Variants in SLC4A8 observed in about 807,000 individuals in gnomAD.
The protein encoded by SLC4A8 is electroneutral sodium bicarbonate exchanger 1.
A neutral mutation model predicts 125.0 loss-of-function variants in SLC4A8; 40 were observed. The observed-to-expected ratio is 0.32, with a 90% confidence interval of 0.25 to 0.42. The LOEUF (loss-of-function observed/expected upper bound fraction) is 0.42, where lower values mean the gene tolerates loss of function less well. Among genes scored for constraint, SLC4A8 ranks in the 10% least tolerant of loss-of-function variants. The pLI is 1.00. For synonymous variants in SLC4A8, 456 were observed against 476.0 expected (o/e 0.96, Z 0.55); for missense variants, 863 against 1,355.1 (o/e 0.64, Z 5.70).
At position 51,515,378 on chromosome 12, in the gene SLC4A8, A is replaced by G. The variant is rs1279541974; in HGVS notation, c.*7940A>G. 6.6e-6 allele frequency: 1 copy of G among 152,202 alleles called. No homozygotes were observed. Among genetic ancestry groups the G allele is most frequent in the Non-Finnish European group, 1.5e-5 (1 of 68,056 alleles). 9.4% of individuals were successfully genotyped at this position (152,202 alleles called of 1,614,324 possible). On this transcript the variant is annotated 3_prime_UTR_variant, in exon 25 of 25. Transcript: ENST00000453097. ...TCCAAGCTAATGGTGTCAGGTGGAG[A>G]ACAGAGCAACCTTCCCTCGGAAGGA...
chr12:51,492,556 C>A (rs567611809), intron 19 of SLC4A8, among the ~76,000 whole-genome samples: 1 of 152,338 alleles, frequency 6.6e-6, no homozygotes, highest in South Asian at 2.1e-4. Context: ...TTTCCCCTAG[C>A]TGCTTCAGGA....
chr12:51,470,347 G>A (rs748279999), intron 12 of SLC4A8, 45 bp from the exon 13 acceptor site: 12 of 1,599,852 alleles, frequency 7.5e-6, no homozygotes, highest in Non-Finnish European at 1.0e-5. Flanking sequence ...ACATTACTCT[G>A]TACTGATGGG....
intron 17 of SLC4A8, 104 bp from the exon 18 acceptor site, chr12:51,488,595 T>A: frequency 2.5e-5 from 18 of 728,686 alleles, no homozygotes; most frequent in Non-Finnish European, 3.1e-5. Flanking sequence ...TTTAAGAACC[T>A]CACTCAAGAA....
chr12:51,443,962 G>A (rs1002357229), intron 2 of SLC4A8, among the ~76,000 whole-genome samples: 1 of 152,134 alleles, frequency 6.6e-6, no homozygotes, highest in African/African-American at 2.4e-5. Context: ...ATGTGTATAT[G>A]TACTTATTTT....
At chr12:51,451,439 A>C (rs1388850880) in intron 3 of SLC4A8, among the ~76,000 whole-genome samples, 1 of 152,150 alleles carries the variant, frequency 6.6e-6, no homozygotes, top group Admixed American at 6.5e-5. Context: ...TATACAATTA[A>C]ATTGTTATTT....
chr12:51,412,273 G>A (rs982615963), intron 1 of SLC4A8, among the ~76,000 whole-genome samples: 32 of 152,034 alleles, frequency 2.1e-4, no homozygotes, highest in African/African-American at 6.8e-4. Flanking sequence ...TTACTTGGAT[G>A]TATATCTTTA....
chr12:51,448,645 C>T (rs1337480964), intron 2 of SLC4A8, among the ~76,000 whole-genome samples: 1 of 152,138 alleles, frequency 6.6e-6, no homozygotes, highest in South Asian at 2.1e-4. Flanking sequence ...GGCACCGGAG[C>T]TCAGGGAGCC....
At chr12:51,403,350 G>A (rs1948429073) in intron 1 of SLC4A8, 1 of 424,158 alleles carries the variant, frequency 2.4e-6, no homozygotes, top group South Asian at 1.6e-5. Flanking sequence ...CATTTCCAGA[G>A]TTTGGGCAGG....
chr12:51,407,902 G>A (rs1467255062), intron 1 of SLC4A8: 1 of 152,448 alleles, frequency 6.6e-6, no homozygotes, highest in East Asian at 1.9e-4. Context: ...TGTGAGGTCT[G>A]TATGGTAATC....
At chr12:51,436,380 A>G (rs1190455534) in intron 1 of SLC4A8, among the ~76,000 whole-genome samples, 2 of 152,120 alleles carry the variant, frequency 1.3e-5, no homozygotes, top group East Asian at 3.8e-4. Flanking sequence ...TACTTAGAAT[A>G]ATTTCTCTTG....
At chr12:51,494,428 T>C (rs76192060) in intron 20 of SLC4A8, 2 of 136,190 alleles carry the variant, frequency 1.5e-5, no homozygotes, top group African/African-American at 5.4e-5. Context: ...TTTTTTTTTT[T>C]CCTATGGCCA....
intron 2 of SLC4A8, among the ~76,000 whole-genome samples, chr12:51,447,250 T>A (rs1778200733): frequency 7.0e-6 from 1 of 143,780 alleles, no homozygotes; most frequent in South Asian, 2.2e-4. Flanking sequence ...ACCTGTCTAA[T>A]TTTTTTTTTT....
At chr12:51,480,488 G>A in intron 16 of SLC4A8, 3 of 1,037,382 alleles carry the variant, frequency 2.9e-6, no homozygotes, top group South Asian at 3.1e-5. Context: ...AGACATGGTG[G>A]TATAATTGTG....
rs188595016 is a variant in SLC4A8 at position 51,490,549 on chromosome 12, C to G, written c.2700+598C>G. Among the ~76,000 whole-genome samples, 500 of 123,306 alleles carry G rather than the reference C, an allele frequency of 4.1e-3. 4 individuals carry two copies. The highest frequency in any genetic ancestry group is 0.015 in the African/African-American group (454 of 31,176). 80.9% of individuals were successfully genotyped at this position (123,306 alleles called of 152,430 possible). On this transcript the variant is annotated intron_variant, in intron 19 of 24. Coordinates refer to ENST00000453097, the MANE Select transcript of SLC4A8 (RefSeq NM_001039960.3). ...CTGCACTCCAGCCAGGGCAACAGAG[C>G]GAGACTCCATCTCAAAAAAAAAAAA... is the stretch of plus-strand genomic sequence containing the variant.
chr12:51,457,768 T>C (rs1950200131), intron 6 of SLC4A8, among the ~76,000 whole-genome samples: 2 of 152,176 alleles, frequency 1.3e-5, no homozygotes, highest in Non-Finnish European at 2.9e-5. Flanking sequence ...GAGGGACTTA[T>C]GCCCCAGGGT....
intron 7 of SLC4A8, among the ~76,000 whole-genome samples, chr12:51,458,952 C>T (rs1201352678): frequency 3.3e-5 from 5 of 152,190 alleles, no homozygotes; most frequent in Non-Finnish European, 7.3e-5. Context: ...GGTACCTGCT[C>T]TCCAGCAGTT....
chr12:51,446,620 T>C (rs1340362444), intron 2 of SLC4A8, among the ~76,000 whole-genome samples: 2 of 152,214 alleles, frequency 1.3e-5, no homozygotes, highest in African/African-American at 4.8e-5. Context: ...GATGAAGCTC[T>C]CCATTCTCAG....
At chr12:51,454,864 T>G (rs1950086605) in intron 5 of SLC4A8, among the ~76,000 whole-genome samples, 1 of 10,250 alleles carries the variant, frequency 9.8e-5, no homozygotes, top group Non-Finnish European at 2.2e-4. Context: ...GACGGTCAGG[T>G]CTTTCCCTTC....
chr12:51,424,317 C>T (rs910636087), upstream of SLC4A8, among the ~76,000 whole-genome samples: 2 of 151,824 alleles, frequency 1.3e-5, no homozygotes, highest in East Asian at 3.9e-4. Flanking sequence ...CGACCCTGTC[C>T]GTGTGTTTTG....
Sources: allele counts gnomAD v4.1 joint callset (sites outside exome capture counted in the v4.1 genomes callset), GRCh38; gene constraint gnomAD v4.1.1; transcripts MANE v1.5; gene names NCBI Gene and HGNC (gene_info 2026-07-23, HGNC 2026-07-21).